The following ABCC8 variants were observed in gnomAD, a reference collection of about 807,000 sequenced individuals.
ABCC8 encodes the protein ATP-binding cassette sub-family C member 8.
Under a neutral mutation model 188.0 loss-of-function variants are expected in ABCC8, and 137 were observed. That is an observed-to-expected ratio of 0.73 (90% CI 0.63 to 0.84). The LOEUF is 0.84. Among genes scored for constraint, ABCC8 ranks in the 40% least tolerant of loss-of-function variants. ABCC8 has a pLI of 0.00. For synonymous variants in ABCC8, 797 were observed against 846.5 expected (o/e 0.94, Z 1.01); for missense variants, 1,750 against 2,072.7 (o/e 0.84, Z 3.02).
intron 11 of ABCC8, among the ~76,000 whole-genome samples, chr11:17,431,409 C>A (rs534688887): frequency 6.6e-6 from 1 of 152,374 alleles, no homozygotes; most frequent in South Asian, 2.1e-4. Flanking sequence ...CCCCAGGAGC[C>A]AGGCCAGGAA....
chr11:17,442,695 G>C, intron 10 of ABCC8, 25 bp downstream of exon 10: 1 of 1,609,622 alleles, frequency 6.2e-7, no homozygotes, highest in East Asian at 2.2e-5. Context: ...CAGCACCCAG[G>C]GCTGGCTGTG....
At chr11:17,463,274 C>T (rs930755893) in intron 4 of ABCC8, among the ~76,000 whole-genome samples, 164 bp downstream of exon 4, 39 of 152,154 alleles carry the variant, frequency 2.6e-4, no homozygotes, top group Non-Finnish European at 2.2e-4. Context: ...CAGTGTCTAT[C>T]CTGAAATTTC....
intron 29 of ABCC8, among the ~76,000 whole-genome samples, chr11:17,400,995 G>A (rs994399558): frequency 5.3e-5 from 8 of 152,200 alleles, no homozygotes; most frequent in Admixed American, 3.3e-4. Context: ...ATCATTCACC[G>A]TGTCAGTAGG....
intron 38 of ABCC8, 74 bp from the exon 39 acceptor site, chr11:17,393,202 C>A: frequency 6.3e-7 from 1 of 1,594,272 alleles, no homozygotes; most frequent in Non-Finnish European, 8.6e-7. Flanking sequence ...CTGAGGGTGG[C>A]CCTCCTGCGG....
At chr11:17,464,501 A>G (rs1436761617) in intron 3 of ABCC8, among the ~76,000 whole-genome samples, 2 of 152,236 alleles carry the variant, frequency 1.3e-5, no homozygotes, top group African/African-American at 4.8e-5. Context: ...TTCCTCATCC[A>G]TTAAGTGGGA....
At chr11:17,412,643 A>G (rs982720078) in intron 21 of ABCC8, 23 bp downstream of exon 21, 2 of 1,604,240 alleles carry the variant, frequency 1.2e-6, no homozygotes, top group Non-Finnish European at 8.5e-7. Flanking sequence ...AGAGACCAGG[A>G]CCCCAAGGGA....
At chr11:17,431,755 G>A (rs921351055) in intron 11 of ABCC8, among the ~76,000 whole-genome samples, 4 of 152,188 alleles carry the variant, frequency 2.6e-5, no homozygotes, top group African/African-American at 9.7e-5. Context: ...TTGCAAAACT[G>A]CATGCATAGC....
rs768992594 is a variant in ABCC8, at chr11:17,415,284, A to T, written c.2291+20T>A. The T allele has an allele frequency of 1.2e-5, 20 of 1,604,498 alleles. No individual in the cohort carries two copies. The highest frequency in any genetic ancestry group is 1.6e-5 in the Non-Finnish European group (19 of 1,176,488). On this transcript the variant is annotated intron_variant, in intron 18 of 38. Coordinates refer to ENST00000389817, the MANE Select transcript of ABCC8 (RefSeq NM_000352.6). ...TGGAGGGAGTTGACCCTGGGGGGCA[A>T]TGTTCCCAGGACGCAGTACCTGATA...
In ABCC8 at chr11:17,392,949, G is replaced by A; in HGVS notation, c.*42C>T. The A allele has an allele frequency of 6.3e-7, 1 of 1,596,916 alleles. No individual in the cohort carries two copies. Among genetic ancestry groups the A allele is most frequent in the Non-Finnish European group, 8.6e-7 (1 of 1,165,070 alleles). ...AGTTAGAAAACCCAGGCAGGGGTAT[G>A]GGCAGGGTCCGAATGTGGGATGGCA... On this transcript the variant is annotated 3_prime_UTR_variant, in exon 39 of 39. Transcript: ENST00000389817.
intron 3 of ABCC8, among the ~76,000 whole-genome samples, chr11:17,467,743 T>G (rs4148606): frequency 0.4 from 61,051 of 151,806 alleles, 12,492 homozygotes; most frequent in Middle Eastern, 0.52. Flanking sequence ...AATACCCATT[T>G]CCTTCTGTCC....
Position 17,406,950 on chromosome 11 carries a change from C to T in ABCC8, c.3100G>A (p.Ala1034Thr). ...MVLVAIDYWL[A>T]KWTDSALTLT... ...GTCAGGGCGCTGTCGGTCCACTTGGCCAGCCAGTAGTCGATGGCCACCAGG... is the reference window on the plus strand; with the variant it reads ...GTCAGGGCGCTGTCGGTCCACTTGGTCAGCCAGTAGTCGATGGCCACCAGG... Residue 1034 changes from alanine to threonine, a missense_variant, in exon 25 of 39, where the codon GCC (alanine) becomes ACC (threonine). Coordinates refer to ENST00000389817, the MANE Select transcript of ABCC8 (RefSeq NM_000352.6). 1 of 1,614,158 alleles carries T rather than the reference C, an allele frequency of 6.2e-7. No homozygotes were observed.
At chr11:17,401,163 T>C (rs1419503606) in intron 29 of ABCC8, among the ~76,000 whole-genome samples, 18 of 152,128 alleles carry the variant, frequency 1.2e-4, no homozygotes, top group Admixed American at 1.2e-3. Context: ...GAGACACCAA[T>C]TGAGAGAGGG....
chr11:17,397,281 G>T lies in ABCC8; in HGVS notation c.3900C>A (p.Asn1300Lys), dbSNP rs1268376417. 4 of 1,613,056 alleles carry T rather than the reference G, an allele frequency of 2.5e-6. No homozygotes were observed. The African/African-American group carries it at 5.3e-5, about 22-fold the overall frequency. The change falls in exon 32 of 39, where the codon AAC becomes AAA. Residue 1300 changes from asparagine (N) to lysine (K), a missense_variant. Asn to Lys is a moderately conservative substitution (Grantham distance 94, BLOSUM62 0). Coordinates refer to ENST00000389817, the MANE Select transcript of ABCC8 (RefSeq NM_000352.6). ...CCAGCTGGAGCTCCATGTCTGCCAG[G>T]TTCCTCACCATCCAGTTGAGGTAGT... ...VSNYLNWMVR[N>K]LADMELQLGA...
At position 17,448,157 on chromosome 11, in the gene ABCC8, C is replaced by T. The variant is rs530718551; in HGVS notation, c.1332+359G>A. ...CATAGAAGGGGTCTCACTGTGTTGCCCAGGCCAGTCTTGAACTCCTGTGCT... is the reference window on the plus strand; with the variant it reads ...CATAGAAGGGGTCTCACTGTGTTGCTCAGGCCAGTCTTGAACTCCTGTGCT... On this transcript the variant is annotated intron_variant, in intron 8 of 38. Coordinates refer to ENST00000389817, the MANE Select transcript of ABCC8 (RefSeq NM_000352.6). 1.0e-4 allele frequency: 28 copies of T among 275,810 alleles called. No individual in the cohort carries two copies. In the East Asian group the frequency reaches 1.4e-3, roughly 14 times the overall value. The allele number at this position is 275,810 out of a possible 1,614,324, so 17.1% of individuals were successfully genotyped here. A position where few individuals can be genotyped will look rare whatever the true frequency, so the allele number is the denominator to read the frequency against.
chr11:17,407,230 C>G, intron 24 of ABCC8, 101 bp from the exon 25 acceptor site: 1 of 1,608,426 alleles, frequency 6.2e-7, no homozygotes, highest in Non-Finnish European at 8.5e-7. Context: ...AACGGGGGCA[C>G]ACAGAGGGAA....
intron 36 of ABCC8, among the ~76,000 whole-genome samples, chr11:17,394,839 A>G (rs1181142912): frequency 6.6e-6 from 1 of 152,016 alleles, no homozygotes; most frequent in Non-Finnish European, 1.5e-5. Flanking sequence ...CTCCTCCCCT[A>G]AGGCAGAACT....
At position 17,450,260 on chromosome 11, in the gene ABCC8, C is replaced by CTTTCTTTCTT. The variant is rs138135816; in HGVS notation, c.1177-1590_1177-1589insAAGAAAGAAA. 4.4e-4 allele frequency among the ~76,000 whole-genome samples: 30 copies of CTTTCTTTCTT among 67,706 alleles called. 4 individuals are homozygous for CTTTCTTTCTT. The highest frequency in any genetic ancestry group is 6.2e-4 in the Admixed American group (4 of 6,452). 44.4% of individuals were successfully genotyped at this position (67,706 alleles called of 152,430 possible). ...TTCTTTTCTTTTTCTTTCTTTCTTT[C>CTTTCTTTCTT]TCTTTCTTTCTTTCTTTCTTTCTTT... On this transcript the variant is annotated intron_variant, in intron 7 of 38. Transcript: ENST00000389817.
chr11:17,394,741 C>T (rs1953818577), intron 36 of ABCC8, among the ~76,000 whole-genome samples: 1 of 152,120 alleles, frequency 6.6e-6, no homozygotes, highest in African/African-American at 2.4e-5. Flanking sequence ...CCCCAATGCT[C>T]CAGGAGCTGC....
At chr11:17,452,238 T>G (rs925537117) in intron 7 of ABCC8, among the ~76,000 whole-genome samples, 2 of 152,080 alleles carry the variant, frequency 1.3e-5, no homozygotes, top group Admixed American at 6.5e-5. Context: ...TTCCAGAAAC[T>G]CTAAGAAGGA....
Sources: gnomAD v4.1 joint callset for allele counts (sites outside exome capture counted in the v4.1 genomes callset) on GRCh38, gnomAD v4.1.1 for gene constraint, MANE v1.5 for transcripts, NCBI Gene and HGNC (gene_info 2026-07-23, HGNC 2026-07-21) for gene names.